MAN1A1: variants seen among roughly 807,000 people sequenced by gnomAD.
The protein encoded by MAN1A1 is mannosyl-oligosaccharide 1,2-alpha-mannosidase IA.
In MAN1A1, 29 loss-of-function variants were observed where a neutral mutation model predicts 70.8. The ratio of observed to expected loss-of-function variants is 0.41; its 90% CI spans 0.31 to 0.56. The LOEUF is 0.56. MAN1A1 is among the 20% of genes least tolerant of loss of function. MAN1A1 has a pLI of 0.29. For synonymous variants in MAN1A1, 349 were observed against 330.1 expected (o/e 1.06, Z -0.62); for missense variants, 747 against 841.3 (o/e 0.89, Z 1.39).
chr6:119,272,741 T>C (rs1480817102), intron 5 of MAN1A1, among the ~76,000 whole-genome samples: 1 of 152,150 alleles, frequency 6.6e-6, no homozygotes, highest in African/African-American at 2.4e-5. Flanking sequence ...GATTTATGAA[T>C]GTGTGTGTGT....
chr6:119,309,978 A>G (rs560966782), intron 2 of MAN1A1, among the ~76,000 whole-genome samples: 1 of 152,334 alleles, frequency 6.6e-6, no homozygotes, highest in Admixed American at 6.5e-5. Flanking sequence ...CTAAAAGGGA[A>G]GTATACAGGA....
At chr6:119,308,145 G>C (rs1772582865) in intron 2 of MAN1A1, among the ~76,000 whole-genome samples, 1 of 152,112 alleles carries the variant, frequency 6.6e-6, no homozygotes, top group African/African-American at 2.4e-5. Context: ...TTGTTAGGGA[G>C]ATGAAGAAAC....
At chr6:119,267,771 A>C (rs1207019401) in intron 5 of MAN1A1, among the ~76,000 whole-genome samples, 1 of 152,212 alleles carries the variant, frequency 6.6e-6, no homozygotes, top group Non-Finnish European at 1.5e-5. Context: ...ATCATTAGAC[A>C]CTATAGACAG....
At chr6:119,233,335 T>C (rs2114287175) in intron 6 of MAN1A1, among the ~76,000 whole-genome samples, 1 of 152,268 alleles carries the variant, frequency 6.6e-6, no homozygotes, top group East Asian at 1.9e-4. Context: ...GTGGAGAAAA[T>C]TAATACAAAT....
chr6:119,256,606 C>T (rs1775466472), intron 5 of MAN1A1, among the ~76,000 whole-genome samples: 1 of 152,172 alleles, frequency 6.6e-6, no homozygotes, highest in South Asian at 2.1e-4. Flanking sequence ...GGCAGTGTTT[C>T]CCTGAGCATC....
intron 2 of MAN1A1, among the ~76,000 whole-genome samples, chr6:119,338,852 A>G (rs956121934): frequency 1.3e-5 from 2 of 152,100 alleles, no homozygotes; most frequent in Non-Finnish European, 2.9e-5. Flanking sequence ...AATCTAGGGG[A>G]AAAATTTTTT....
chr6:119,325,195 T>C (rs1773114765), intron 2 of MAN1A1, among the ~76,000 whole-genome samples: 1 of 152,176 alleles, frequency 6.6e-6, no homozygotes, highest in Admixed American at 6.5e-5. Flanking sequence ...ATGACAAAAC[T>C]GAGGTATAGG....
chr6:119,249,515 C>T (rs1775261205), intron 5 of MAN1A1, among the ~76,000 whole-genome samples: 1 of 152,248 alleles, frequency 6.6e-6, no homozygotes, highest in African/African-American at 2.4e-5. Context: ...GGACTGGAAG[C>T]GTACCATTTC....
At chr6:119,212,093 G>A (rs999373426) in intron 6 of MAN1A1, among the ~76,000 whole-genome samples, 3 of 151,244 alleles carry the variant, frequency 2.0e-5, no homozygotes, top group African/African-American at 7.3e-5. Context: ...GCTCGCCTCA[G>A]CCTCCCAAAG....
At chr6:119,185,635 G>T (rs1403488940) in intron 11 of MAN1A1, among the ~76,000 whole-genome samples, 2 of 152,124 alleles carry the variant, frequency 1.3e-5, no homozygotes, top group East Asian at 3.9e-4. Context: ...CGAGTGCAGT[G>T]GCGTGATCTC....
intron 6 of MAN1A1, among the ~76,000 whole-genome samples, chr6:119,218,641 G>A (rs1444684239): frequency 6.6e-6 from 1 of 151,992 alleles, no homozygotes; most frequent in Non-Finnish European, 1.5e-5. Context: ...TGTCTGCATG[G>A]GTTTTGAGTA....
chr6:119,221,740 A>G (rs1774367843), intron 6 of MAN1A1, among the ~76,000 whole-genome samples: 1 of 152,186 alleles, frequency 6.6e-6, no homozygotes, highest in African/African-American at 2.4e-5. Context: ...GGTGTGAGCC[A>G]CTGCGCCCGG....
intron 6 of MAN1A1, among the ~76,000 whole-genome samples, chr6:119,225,130 C>T (rs893314689): frequency 4.6e-5 from 7 of 151,424 alleles, no homozygotes; most frequent in Non-Finnish European, 7.4e-5. Context: ...GGCAACAGAG[C>T]GAGACTCTGT....
intron 6 of MAN1A1, among the ~76,000 whole-genome samples, chr6:119,231,286 C>T (rs1774668081): frequency 6.6e-6 from 1 of 152,058 alleles, no homozygotes; most frequent in Non-Finnish European, 1.5e-5. Context: ...GGCAGTTTCC[C>T]CCATGCTGTT....
chr6:119,254,830 G>A (rs1775417506), intron 5 of MAN1A1, among the ~76,000 whole-genome samples: 1 of 152,136 alleles, frequency 6.6e-6, no homozygotes, highest in African/African-American at 2.4e-5. Flanking sequence ...AAAATACGAT[G>A]CAACAGTTCT....
intron 5 of MAN1A1, among the ~76,000 whole-genome samples, chr6:119,267,029 C>G (rs753685617): frequency 1.3e-5 from 2 of 152,114 alleles, no homozygotes; most frequent in Non-Finnish European, 2.9e-5. Flanking sequence ...ATGAAAACAA[C>G]AAGATACTAA....
At chr6:119,299,766 G>A (rs1213084117) in intron 4 of MAN1A1, among the ~76,000 whole-genome samples, 2 of 152,068 alleles carry the variant, frequency 1.3e-5, no homozygotes, top group Non-Finnish European at 2.9e-5. Context: ...AGGACCCATG[G>A]AACACATTCA....
chr6:119,306,865 G>A (rs1186869326), intron 3 of MAN1A1, 31 bp downstream of exon 3: 4 of 1,440,354 alleles, frequency 2.8e-6, no homozygotes, highest in East Asian at 2.3e-5. Context: ...AGAAGTTATC[G>A]TCACTAAGAA....
intron 6 of MAN1A1, among the ~76,000 whole-genome samples, chr6:119,220,100 C>A (rs1390737372): frequency 2.0e-5 from 3 of 152,072 alleles, no homozygotes; most frequent in African/African-American, 7.2e-5. Context: ...ACTTTTACCA[C>A]AATCTTCATT....
Sources: allele counts gnomAD v4.1 joint callset (sites outside exome capture counted in the v4.1 genomes callset), GRCh38; gene constraint gnomAD v4.1.1; transcripts MANE v1.5; gene names NCBI Gene and HGNC (gene_info 2026-07-23, HGNC 2026-07-21).